SCN11A: variants seen among roughly 807,000 people sequenced by gnomAD.
The protein encoded by SCN11A is sodium channel protein type 11 subunit alpha.
A neutral mutation model predicts 162.2 loss-of-function variants in SCN11A; 122 were observed. The observed-to-expected ratio is 0.75, with a 90% CI of 0.65 to 0.87. SCN11A has a LOEUF of 0.87. SCN11A is among the 40% of genes least tolerant of loss of function. The pLI is 0.00. For synonymous variants in SCN11A, 758 were observed against 751.5 expected, an observed-to-expected ratio of 1.01 and a Z score of -0.14; for missense variants, 2,015 against 2,181.6, an observed-to-expected ratio of 0.92 and a Z score of 1.52.
At chr3:38,878,716 G>A (rs1227410018) in intron 23 of SCN11A, among the ~76,000 whole-genome samples, 1 of 152,112 alleles carries the variant, frequency 6.6e-6, no homozygotes, top group Admixed American at 6.6e-5. Flanking sequence ...CTGAGCCTCT[G>A]GTTTTCTTGT....
intron 7 of SCN11A, among the ~76,000 whole-genome samples, chr3:38,942,259 T>C (rs143710077): frequency 1.3e-5 from 2 of 152,218 alleles, no homozygotes; most frequent in African/African-American, 2.4e-5. Flanking sequence ...CAATCATAGA[T>C]AGAGATTTCA....
chr3:38,919,997 A>G lies in SCN11A; in HGVS notation c.897T>C (p.His299=). 1 of 1,611,704 alleles carries G rather than the reference A, an allele frequency of 6.2e-7. No individual in the cohort carries two copies. Among genetic ancestry groups the G allele is most frequent in the Non-Finnish European group, 8.5e-7 (1 of 1,178,244 alleles). Residue 299 remains histidine, a synonymous_variant, in exon 11 of 30, where the codon CAT becomes CAC. Coordinates refer to ENST00000302328, the MANE Select transcript of SCN11A (RefSeq NM_001349253.2). ...KNISNPEAYD[H]CFEKKENSPE... The stretch of plus-strand genomic sequence containing the variant: ...GTGAATTTTCTTTCTTTTCAAAGCA[A>G]TGGTCTGAGAGAGGAAAAAGTCATA...
At chr3:38,930,968 G>T (rs964317285) in intron 7 of SCN11A, among the ~76,000 whole-genome samples, 2 of 152,184 alleles carry the variant, frequency 1.3e-5, no homozygotes, top group Admixed American at 6.5e-5. Flanking sequence ...AGAGAAAGAA[G>T]GCTCCTTGCA....
chr3:38,927,661 C>A (rs766194282), intron 7 of SCN11A, among the ~76,000 whole-genome samples: 1 of 152,098 alleles, frequency 6.6e-6, no homozygotes, highest in African/African-American at 2.4e-5. Context: ...AGAAAAATTA[C>A]CATTATGGTG....
At chr3:38,938,540 ATATATATATATTTTTTTTTTTTTTT>A (rs2066384600) in intron 7 of SCN11A, among the ~76,000 whole-genome samples, 1 of 24,164 alleles carries the variant, frequency 4.1e-5, no homozygotes, top group African/African-American at 2.0e-4. Flanking sequence ...ATATATATAT[ATATATATATATTTTTTTTTTTTTTT>A]TTTTTTTTTT....
intron 10 of SCN11A, among the ~76,000 whole-genome samples, chr3:38,920,684 CAAAAAAAAAAAAA>C (rs36096755): frequency 1.8e-5 from 1 of 55,992 alleles, no homozygotes; most frequent in Non-Finnish European, 3.8e-5. Flanking sequence ...GACTCCATCT[CAAAAAAAAAAAAA>C]AAAAAAAGAC....
intron 1 of SCN11A, among the ~76,000 whole-genome samples, chr3:39,038,155 A>C (rs1297744966): frequency 1.3e-5 from 2 of 152,220 alleles, no homozygotes; most frequent in Non-Finnish European, 2.9e-5. Flanking sequence ...AAATTATCCC[A>C]CAACTTAGCC....
At chr3:39,046,861 C>A (rs576477309) in intron 1 of SCN11A, among the ~76,000 whole-genome samples, 1 of 152,162 alleles carries the variant, frequency 6.6e-6, no homozygotes, top group African/African-American at 2.4e-5. Flanking sequence ...GCTAGGACTA[C>A]AGGCATGCAC....
chr3:38,983,106 C>A (rs2030118314), intron 2 of SCN11A, among the ~76,000 whole-genome samples: 1 of 152,104 alleles, frequency 6.6e-6, no homozygotes, highest in South Asian at 2.1e-4. Context: ...TAGATGAGAC[C>A]ATTAGCCACA....
Position 38,911,658 on chromosome 3 carries a change from A to G in SCN11A, c.960-1451T>C, listed in dbSNP as rs144824738. Among the ~76,000 whole-genome samples the G allele has an allele frequency of 2.3e-3, 355 of 152,232 alleles. 1 individual carries two copies. Among genetic ancestry groups the G allele is most frequent in the African/African-American group, 8.0e-3 (333 of 41,546 alleles). On this transcript the variant is annotated intron_variant, in intron 11 of 29. Coordinates refer to ENST00000302328, the MANE Select transcript of SCN11A (RefSeq NM_001349253.2). ...GTCAAAAGTTGGGACTTTTGAATTG[A>G]CATTTACTCTCAAATTTTCTGTTCT...
chr3:38,912,213 C>T (rs113659800), intron 11 of SCN11A, among the ~76,000 whole-genome samples: 1,937 of 152,204 alleles, frequency 0.013, 41 homozygotes, highest in African/African-American at 0.043. Flanking sequence ...TCTTGGTCAC[C>T]ATTCAAAATA....
chr3:39,033,021 C>T (rs959570262), intron 1 of SCN11A, among the ~76,000 whole-genome samples: 2 of 152,150 alleles, frequency 1.3e-5, no homozygotes, highest in South Asian at 2.1e-4. Flanking sequence ...GCTATGGTGG[C>T]GGGCGCCCGT....
At chr3:39,013,169 A>G (rs2125603553) in intron 2 of SCN11A, among the ~76,000 whole-genome samples, 1 of 152,366 alleles carries the variant, frequency 6.6e-6, no homozygotes, top group Non-Finnish European at 1.5e-5. Context: ...AAAAACAACC[A>G]AATGAAAAAA....
intron 28 of SCN11A, among the ~76,000 whole-genome samples, chr3:38,855,538 C>T (rs148810362): frequency 6.6e-6 from 1 of 152,258 alleles, no homozygotes; most frequent in Non-Finnish European, 1.5e-5. Context: ...TTAGGGCAAG[C>T]GTATATCCCA....
At chr3:38,954,651 C>A (rs377484572) in intron 3 of SCN11A, among the ~76,000 whole-genome samples, 32 of 151,274 alleles carry the variant, frequency 2.1e-4, no homozygotes, top group African/African-American at 6.4e-4. Flanking sequence ...AACAAACAAA[C>A]AAAAAAACAA....
intron 11 of SCN11A, among the ~76,000 whole-genome samples, chr3:38,919,424 C>T (rs954793574): frequency 1.3e-5 from 2 of 152,186 alleles, no homozygotes; most frequent in African/African-American, 4.8e-5. Context: ...ATAGAAAGCA[C>T]CGCTAACCTG....
At chr3:38,931,869 A>C (rs2066246310) in intron 7 of SCN11A, among the ~76,000 whole-genome samples, 1 of 152,202 alleles carries the variant, frequency 6.6e-6, no homozygotes, top group African/African-American at 2.4e-5. Context: ...GAAATATTAG[A>C]TAAGCCATTC....
At chr3:39,012,464 TTC>T (rs200254420) in intron 2 of SCN11A, among the ~76,000 whole-genome samples, 1 of 147,560 alleles carries the variant, frequency 6.8e-6, no homozygotes, top group African/African-American at 2.7e-5. Context: ...CTTTCTTTCT[TTC>T]TCTCTCTCTT....
rs768735482 is a variant in SCN11A at position 38,921,264 on chromosome 3, G to C, written c.713-9C>G. 2.5e-6 allele frequency: 4 copies of C among 1,613,206 alleles called. No individual in the cohort carries two copies. The Admixed American group carries it at 6.7e-5, about 27-fold the overall frequency. On this transcript the variant is annotated splice_polypyrimidine_tract_variant and intron_variant, in intron 9 of 29. Transcript: ENST00000302328. Reference sequence around the variant, plus strand: ...CACGATGACCTTCAGACCTGAGAAAGAGGACAGGCTTGGGGAGAAGCCCAT... The same window carrying C: ...CACGATGACCTTCAGACCTGAGAAACAGGACAGGCTTGGGGAGAAGCCCAT...
Sources: allele counts gnomAD v4.1 joint callset (sites outside exome capture counted in the v4.1 genomes callset), GRCh38; gene constraint gnomAD v4.1.1; transcripts MANE v1.5; gene names NCBI Gene and HGNC (gene_info 2026-07-23, HGNC 2026-07-21).